The following ADARB1 variants were observed in gnomAD, a reference collection of about 807,000 sequenced individuals.
ADARB1 encodes the protein adenosine deaminase RNA specific B1, also known as double-stranded RNA-specific editase 1.
A neutral mutation model predicts 52.4 loss-of-function variants in ADARB1; 10 were observed. The observed-to-expected ratio is 0.19, with a 90% CI of 0.12 to 0.32. ADARB1 has a LOEUF of 0.32. ADARB1 is among the 10% of genes least tolerant of loss of function. The pLI is 1.00. For synonymous variants in ADARB1, 349 were observed against 371.1 expected (o/e 0.94, Z 0.68); for missense variants, 643 against 922.3 (o/e 0.70, Z 3.92).
intron 2 of ADARB1, among the ~76,000 whole-genome samples, chr21:45,158,796 A>G (rs1359748887): frequency 2.0e-5 from 3 of 152,208 alleles, no homozygotes; most frequent in African/African-American, 4.8e-5. Context: ...AGGGCATACA[A>G]TATTTTGTGT....
In ADARB1 at chr21:45,176,140, A is replaced by G. The variant is rs1341695600; in HGVS notation, c.439A>G (p.Asn147Asp). Residue 147 changes from asparagine (N) to aspartate (D), a missense_variant, in exon 4 of 11, where the codon AAT becomes GAT. This residue lies in a region of ADARB1 where 380 missense variants were observed against 446.5 expected (regional missense o/e 0.85). Transcript: ENST00000348831. The surrounding 1 kb of genome is among the most constrained non-coding windows in gnomAD (Gnocchi z 5.8). ...CTTGAGGTCTTTCGTTCAGTTTCCT[A>G]ATGCCTCTGAGGCCCACCTGGCCAT... ...KALRSFVQFP[N>D]ASEAHLAMGR... 2 of 1,614,142 alleles carry G rather than the reference A, an allele frequency of 1.2e-6. No individual in the cohort carries two copies. Among genetic ancestry groups the G allele is most frequent in the Admixed American group, 1.7e-5 (1 of 60,020 alleles).
At chr21:45,207,626 G>A (rs1205355206) in intron 9 of ADARB1, among the ~76,000 whole-genome samples, 1 of 152,200 alleles carries the variant, frequency 6.6e-6, no homozygotes, top group African/African-American at 2.4e-5. Flanking sequence ...CAAGTGACCT[G>A]GACAGAGGAG....
At chr21:45,126,621 C>T (rs959698099) in intron 1 of ADARB1, among the ~76,000 whole-genome samples, 1 of 152,292 alleles carries the variant, frequency 6.6e-6, no homozygotes, top group African/African-American at 2.4e-5. Flanking sequence ...TCAAGTCACA[C>T]GACTGCAAGG....
At chr21:45,106,090 T>C (rs2087242144) in intron 1 of ADARB1, among the ~76,000 whole-genome samples, 1 of 152,184 alleles carries the variant, frequency 6.6e-6, no homozygotes, top group South Asian at 2.1e-4. Flanking sequence ...CCTGATGAAG[T>C]TGTTCTTAGC....
intron 1 of ADARB1, among the ~76,000 whole-genome samples, chr21:45,118,219 G>A (rs970678181): frequency 3.3e-5 from 5 of 152,196 alleles, no homozygotes; most frequent in Admixed American, 6.5e-5. Context: ...TTAGGTGTCC[G>A]CTGTTTCTAG....
At chr21:45,112,905 G>A (rs1276541920) in intron 1 of ADARB1, among the ~76,000 whole-genome samples, 1 of 152,064 alleles carries the variant, frequency 6.6e-6, no homozygotes, top group African/African-American at 2.4e-5. Context: ...GTTGTGAGGG[G>A]CCACGTGTGT....
At chr21:45,195,230 T>C (rs1402939512) in intron 8 of ADARB1, among the ~76,000 whole-genome samples, 1 of 152,246 alleles carries the variant, frequency 6.6e-6, no homozygotes, top group Non-Finnish European at 1.5e-5. Context: ...TTAAATTTTT[T>C]TGGCCAATTT....
At chr21:45,214,017 C>T (rs535519324) in intron 9 of ADARB1, among the ~76,000 whole-genome samples, 23 of 152,174 alleles carry the variant, frequency 1.5e-4, no homozygotes, top group Non-Finnish European at 2.8e-4. Context: ...CACTAGTGTG[C>T]GGGAGTTGTA....
rs375729658 is a variant in ADARB1, at chr21:45,221,043, C to T, written c.1926+29C>T. The T allele has an allele frequency of 8.2e-6, 13 of 1,578,126 alleles. No homozygotes were observed. In the Admixed American group the frequency reaches 8.7e-5, roughly 11 times the overall value. On this transcript the variant is annotated intron_variant, in intron 10 of 10. Coordinates refer to ENST00000348831, the MANE Select transcript of ADARB1 (RefSeq NM_001112.4). This position sits in a 1 kb window ranked among gnomAD's most constrained non-coding sequence, Gnocchi z 4.9. ...CTGAGGCGCCCTCACCGCAATGCGCCGGCTCCACCTCCCCAATAGCTTGTC... is the reference window on the plus strand; with the variant it reads ...CTGAGGCGCCCTCACCGCAATGCGCTGGCTCCACCTCCCCAATAGCTTGTC...
chr21:45,181,888 A>G (rs1249246248), intron 5 of ADARB1, among the ~76,000 whole-genome samples: 2 of 152,212 alleles, frequency 1.3e-5, no homozygotes, highest in Non-Finnish European at 1.5e-5. Context: ...CAGTGAGGAC[A>G]ATTTACCTAA....
chr21:45,079,847 G>A (rs2086085039), intron 1 of ADARB1, among the ~76,000 whole-genome samples: 1 of 152,200 alleles, frequency 6.6e-6, no homozygotes, highest in Non-Finnish European at 1.5e-5. Context: ...AAATTTGGGA[G>A]TCATTTGCAT....
chr21:45,199,867 C>T (rs1480552040), intron 8 of ADARB1, among the ~76,000 whole-genome samples: 6 of 152,116 alleles, frequency 3.9e-5, no homozygotes, highest in Non-Finnish European at 8.8e-5. Context: ...CTTGCTGGGG[C>T]GTGGGGATGT....
chr21:45,094,659 C>G (rs1569001215), intron 1 of ADARB1, among the ~76,000 whole-genome samples: 1 of 152,144 alleles, frequency 6.6e-6, no homozygotes. Context: ...CCTCACACAG[C>G]TGACCTGGTG....
chr21:45,146,462 C>G (rs752932448), intron 2 of ADARB1, among the ~76,000 whole-genome samples: 72 of 152,238 alleles, frequency 4.7e-4, no homozygotes, highest in Non-Finnish European at 6.2e-4. Flanking sequence ...CCGGGACTCT[C>G]CCGGGGCTGC....
chr21:45,076,229 C>T (rs1159581411), intron 1 of ADARB1, among the ~76,000 whole-genome samples: 1 of 152,306 alleles, frequency 6.6e-6, no homozygotes, highest in East Asian at 1.9e-4. Context: ...GATACAGTTC[C>T]TTCTTGGATA....
At chr21:45,129,701 G>A (rs1025863351) in intron 2 of ADARB1, among the ~76,000 whole-genome samples, 1 of 151,996 alleles carries the variant, frequency 6.6e-6, no homozygotes, top group African/African-American at 2.4e-5. Context: ...TGGACAGATG[G>A]GAGTGGCTGG....
intron 1 of ADARB1, among the ~76,000 whole-genome samples, chr21:45,081,731 G>A (rs755746771): frequency 4.6e-5 from 7 of 152,194 alleles, no homozygotes; most frequent in South Asian, 2.1e-4. Context: ...GCCTCTCTGA[G>A]TGCGATGTGG....
intron 2 of ADARB1, among the ~76,000 whole-genome samples, chr21:45,156,264 C>A (rs1396720413): frequency 1.3e-5 from 2 of 151,324 alleles, no homozygotes; most frequent in Non-Finnish European, 3.0e-5. Context: ...TCCAGCCATC[C>A]ATCCACCCAC....
chr21:45,191,307 T>C (rs1305388368), intron 8 of ADARB1, among the ~76,000 whole-genome samples: 1 of 152,234 alleles, frequency 6.6e-6, no homozygotes, highest in Non-Finnish European at 1.5e-5. Context: ...TCTTTATTCC[T>C]GCTGTCCAGG....
Sources: gnomAD v4.1 joint callset for allele counts (sites outside exome capture counted in the v4.1 genomes callset) on GRCh38, gnomAD v4.1.1 for gene constraint, gnomAD v4.1.1 regional missense constraint, Gnocchi (gnomAD v3.1) non-coding constraint, MANE v1.5 for transcripts, NCBI Gene and HGNC (gene_info 2026-07-23, HGNC 2026-07-21) for gene names.